Variants in LAMA5 observed in about 807,000 individuals in gnomAD.
LAMA5 encodes laminin subunit alpha 5, also known as laminin subunit alpha-5.
LAMA5 carries 260 observed loss-of-function variants against 433.4 expected under a neutral mutation model. That is an observed-to-expected ratio of 0.60 (90% confidence interval 0.54 to 0.66). The LOEUF is 0.66. Among genes scored for constraint, LAMA5 ranks in the 30% least tolerant of loss-of-function variants. The pLI is 0.00. For missense variants in LAMA5, 5,378 were observed against 5,258.5 expected (o/e 1.02, Z -0.70); for synonymous variants, 2,620 against 2,226.6 (o/e 1.18, Z -4.97).
rs2146141367 is a variant in LAMA5 at position 62,324,763 on chromosome 20, A to G, written c.5530-209T>C. The G allele has an allele frequency of 1.8e-6, 1 of 569,538 alleles. No individual in the cohort carries two copies. The highest frequency in any genetic ancestry group is 3.2e-6 in the Non-Finnish European group (1 of 315,810). 35.3% of individuals were successfully genotyped at this position (569,538 alleles called of 1,614,324 possible). On this transcript the variant is annotated intron_variant, in intron 41 of 79. Transcript: ENST00000252999. The surrounding 1 kb of genome is among the most constrained non-coding windows in gnomAD (Gnocchi z 4.4). ...CAGCACCTGGCTGCTGTTTGAGGAC[A>G]TAGCTCTCAAAGCCACACGGATGTC...
Position 62,322,080 on chromosome 20 carries a change from G to A in LAMA5, c.6435C>T (p.Cys2145=), listed in dbSNP as rs765269981. Residue 2145 remains cysteine, a synonymous_variant, in exon 48 of 80, where the codon TGC becomes TGT. Transcript: ENST00000252999. The part of the protein sequence containing the change: ...PGLSGERCDT[C]SQQHQVPVPG... ...GAACAGGCACCTGATGCTGCTGGCTGCAGGTGTCGCAGCGCTCCCCGCTGA... is the reference window on the plus strand; with the variant it reads ...GAACAGGCACCTGATGCTGCTGGCTACAGGTGTCGCAGCGCTCCCCGCTGA... 2.5e-6 allele frequency: 4 copies of A among 1,601,132 alleles called. No homozygotes were observed. In the East Asian group the frequency reaches 6.7e-5, roughly 27 times the overall value.
intron 38 of LAMA5, 91 bp from the exon 39 acceptor site, chr20:62,327,057 G>C (rs1979425365): frequency 8.7e-7 from 1 of 1,144,186 alleles, no homozygotes; most frequent in African/African-American, 1.5e-5. Flanking sequence ...CCAGCACAGA[G>C]CCCTGTGCTG....
Position 62,312,779 on chromosome 20 carries a change from A to ATCTGCAGGAACACCTGGG in LAMA5, c.9079_9080insCCCAGGTGTTCCTGCAGA (p.Ala3026_Ile3027insThrGlnValPheLeuGln). 6.3e-7 allele frequency: 1 copy of ATCTGCAGGAACACCTGGG among 1,592,184 alleles called. No homozygotes were observed. The highest frequency in any genetic ancestry group is 8.5e-7 in the Non-Finnish European group (1 of 1,172,296). On this transcript the variant is annotated inframe_insertion and splice_region_variant, in exon 67 of 80. Coordinates refer to ENST00000252999, the MANE Select transcript of LAMA5 (RefSeq NM_005560.6). ...GCTGCCCCCCAGCAGGAACACCTGG[A>ATCTGCAGGAACACCTGGG]TCTACAGGACCAGTGGGGGCTCCAG...
chr20:62,362,781 G>A lies in LAMA5; in HGVS notation c.298-229C>T, dbSNP rs562544198. On this transcript the variant is annotated intron_variant, in intron 1 of 79. Transcript: ENST00000252999. ...CTGCTCACGGCGCTAAGGACAAGAG[G>A]AAGACCAGGGTGGAGAGGGGCATCT... 4.9e-4 allele frequency among the ~76,000 whole-genome samples: 74 copies of A among 152,236 alleles called. No homozygotes were observed. In the South Asian group the frequency reaches 0.015, roughly 32 times the overall value.
At chr20:62,314,979 C>T in intron 59 of LAMA5, 32 bp from the exon 60 acceptor site, 1 of 1,576,916 alleles carries the variant, frequency 6.3e-7, no homozygotes, top group Non-Finnish European at 8.6e-7. Flanking sequence ...ACCTTTGCCC[C>T]CCACCGTGCC....
chr20:62,315,988 C>T lies in LAMA5; in HGVS notation c.7827G>A (p.Ala2609=), dbSNP rs143175635. Residue 2609 remains alanine, a synonymous_variant, in exon 58 of 80, where the codon GCG becomes GCA. Transcript: ENST00000252999. The part of the protein sequence containing the change: ...DVRAKKDQLE[A]HIQAAQAMLA... ...GCATGGCCTGCGCCGCCTGGATGTGCGCCTCCAGCTGGTCCTTCTTGGCCC... is the reference window on the plus strand; with the variant it reads ...GCATGGCCTGCGCCGCCTGGATGTGTGCCTCCAGCTGGTCCTTCTTGGCCC... 1.1e-4 allele frequency: 179 copies of T among 1,608,004 alleles called. No homozygotes were observed. In the African/African-American group the frequency reaches 1.9e-3, roughly 17 times the overall value.
chr20:62,313,944 G>GGCACGGAGAGAGGAGGGGTGGCGAGTGT, intron 62 of LAMA5, 142 bp from the exon 63 acceptor site: 1 of 810,140 alleles, frequency 1.2e-6, no homozygotes, highest in Non-Finnish European at 1.8e-6. Context: ...GTGGCGAGTG[G>GGCACGGAGAGAGGAGGGGTGGCGAGTGT]GCATGGAGAG....
In LAMA5 at chr20:62,319,029, T is replaced by G. The variant is rs555494371; in HGVS notation, c.6872-16A>C. 56 of 1,547,760 alleles carry G rather than the reference T, an allele frequency of 3.6e-5. No homozygotes were observed. The Admixed American group carries it at 8.9e-4, about 25-fold the overall frequency. ...GACATGAGCTCTGTGGGGCAGGGGT[T>G]CGTCAGAGCCTGGGGCCGCCCGTAC... is the stretch of plus-strand genomic sequence containing the variant. On this transcript the variant is annotated splice_polypyrimidine_tract_variant and intron_variant, in intron 51 of 79. Transcript: ENST00000252999.
chr20:62,358,717 C>G (rs1210962097), intron 2 of LAMA5, among the ~76,000 whole-genome samples: 1 of 152,174 alleles, frequency 6.6e-6, no homozygotes, highest in Admixed American at 6.5e-5. Context: ...CCTCCAGACC[C>G]CAGCACTGGG....
At chr20:62,326,322 G>A in intron 40 of LAMA5, 1 of 203,210 alleles carries the variant, frequency 4.9e-6, no homozygotes, top group Non-Finnish European at 9.9e-6. Flanking sequence ...TAAGCACCAA[G>A]AATAACAAAG....
chr20:62,334,484 C>G, intron 21 of LAMA5, 38 bp downstream of exon 21: 1 of 1,529,654 alleles, frequency 6.5e-7, no homozygotes, highest in Non-Finnish European at 8.8e-7. Context: ...AAGCTGCCTG[C>G]CCCGCTCCCC....
At chr20:62,314,461 C>T (rs201258162) in intron 61 of LAMA5, 21 bp from the exon 62 acceptor site, 2 of 1,612,860 alleles carry the variant, frequency 1.2e-6, no homozygotes, top group African/African-American at 2.7e-5. Context: ...GACAGACACA[C>T]AGTCGGGATG....
chr20:62,345,722 C>A, intron 11 of LAMA5, 96 bp downstream of exon 11: 1 of 862,808 alleles, frequency 1.2e-6, no homozygotes, highest in Non-Finnish European at 1.8e-6. Flanking sequence ...ATAAAGTGAC[C>A]AAATGAAAAT....
rs758738640 is a variant in LAMA5 at position 62,318,521 on chromosome 20, G to A, written c.7172C>T (p.Ala2391Val). The A allele has an allele frequency of 6.2e-7, 1 of 1,609,574 alleles. No homozygotes were observed. Among genetic ancestry groups the A allele is most frequent in the Non-Finnish European group, 8.5e-7 (1 of 1,179,008 alleles). Residue 2391 changes from alanine (A) to valine (V), a missense_variant, in exon 53 of 80, where the codon GCA becomes GTA. Transcript: ENST00000252999. ...CTGGGCCTCCCGTGTGGCGTCCACT[G>A]CCCGGTTCAAAGCCTCTCGCAGGTC... ...LMDLREALNR[A>V]VDATREAQEL...
intron 16 of LAMA5, chr20:62,337,015 ACCGCG>A: frequency 1.5e-6 from 1 of 679,314 alleles, no homozygotes; most frequent in Non-Finnish European, 2.7e-6. Flanking sequence ...GCAAACGTGC[ACCGCG>A]TGGGGTACCC....
At chr20:62,325,692 C>CT in intron 40 of LAMA5, 146 bp from the exon 41 acceptor site, 1 of 564,788 alleles carries the variant, frequency 1.8e-6, no homozygotes, top group Non-Finnish European at 3.1e-6. Flanking sequence ...AAAAACCAGT[C>CT]TCCCATGAGG....
rs555870637 is a variant in LAMA5, at chr20:62,345,527, C to T, written c.1477+291G>A. 1.9e-4 allele frequency: 103 copies of T among 535,944 alleles called. 1 individual carries two copies. Among genetic ancestry groups the T allele is most frequent in the African/African-American group, 1.8e-3 (97 of 53,634 alleles). The allele number at this position is 535,944 out of a possible 1,614,324, so 33.2% of individuals were successfully genotyped here. On this transcript the variant is annotated intron_variant, in intron 11 of 79. Transcript: ENST00000252999. Reference sequence around the variant, plus strand: ...GCTCAAGCAATCCTTCCACCTCAGCCTCCGGAGTAGCTCGAACTACAGGCA... The same window carrying T: ...GCTCAAGCAATCCTTCCACCTCAGCTTCCGGAGTAGCTCGAACTACAGGCA...
intron 34 of LAMA5, 53 bp from the exon 35 acceptor site, chr20:62,328,498 C>G: frequency 7.0e-7 from 1 of 1,436,326 alleles, no homozygotes; most frequent in Non-Finnish European, 9.2e-7. Flanking sequence ...CCGCCCCTCT[C>G]AGAGGCCCAG....
At chr20:62,336,818 C>T in intron 16 of LAMA5, 32 bp from the exon 17 acceptor site, 1 of 1,608,818 alleles carries the variant, frequency 6.2e-7, no homozygotes. Context: ...TCGGTCATTT[C>T]CCAGTGACCA....
Sources: gnomAD v4.1 joint callset for allele counts (sites outside exome capture counted in the v4.1 genomes callset) on GRCh38, gnomAD v4.1.1 for gene constraint, Gnocchi (gnomAD v3.1) non-coding constraint, MANE v1.5 for transcripts, NCBI Gene and HGNC (gene_info 2026-07-23, HGNC 2026-07-21) for gene names.